Variants in SBK1 observed in about 807,000 individuals in gnomAD.
SBK1 encodes serine/threonine-protein kinase SBK1.
SBK1 carries 11 observed loss-of-function variants against 24.4 expected under a neutral mutation model. The observed-to-expected ratio is 0.45, with a 90% CI of 0.28 to 0.75. The LOEUF (loss-of-function observed/expected upper bound fraction) is 0.75, where lower values mean the gene tolerates loss of function less well. SBK1 is among the 30% of genes least tolerant of loss of function. The pLI is 0.12. For missense variants in SBK1, 467 were observed against 620.5 expected, an observed-to-expected ratio of 0.75 and a Z score of 2.63; for synonymous variants, 308 against 284.4, an observed-to-expected ratio of 1.08 and a Z score of -0.83.
chr16:28,289,607 A>C (rs1044500698), upstream of SBK1, among the ~76,000 whole-genome samples: 1 of 151,840 alleles, frequency 6.6e-6, no homozygotes, highest in African/African-American at 2.4e-5. Context: ...TCTCTACTAA[A>C]AATACAAAAA....
chr16:28,319,253 A>G lies in SBK1; in HGVS notation c.429+56A>G. On this transcript the variant is annotated intron_variant, in intron 3 of 3. Coordinates refer to ENST00000341901, the MANE Select transcript of SBK1 (RefSeq NM_001024401.3). This position sits in a 1 kb window ranked among gnomAD's most constrained non-coding sequence, Gnocchi z 4.0. ...AGGGTCTTCAGGGTCCCAGAGTGTGAGAGTGGGAGTGGAGTCAGACCATTT... is the reference window on the plus strand; with the variant it reads ...AGGGTCTTCAGGGTCCCAGAGTGTGGGAGTGGGAGTGGAGTCAGACCATTT... 7.3e-7 allele frequency: 1 copy of G among 1,366,038 alleles called. No homozygotes were observed. Among genetic ancestry groups the G allele is most frequent in the Non-Finnish European group, 1.0e-6 (1 of 956,326 alleles). 84.6% of individuals were successfully genotyped at this position (1,366,038 alleles called of 1,614,324 possible).
At chr16:28,285,987 T>C (rs2044563425) in intron 1 of SBK1, 1 of 152,322 alleles carries the variant, frequency 6.6e-6, no homozygotes, top group Non-Finnish European at 1.5e-5. Context: ...CTGCTGGCCA[T>C]GGTCACAGAG....
upstream of SBK1, chr16:28,290,618 G>C (rs1280530847): frequency 1.3e-5 from 2 of 151,628 alleles, no homozygotes; most frequent in African/African-American, 2.4e-5. Flanking sequence ...CTGGGCAGCA[G>C]AGCAAGACTC....
rs2044633646 is a variant in SBK1 at position 28,295,657 on chromosome 16, G to A, written c.-8+2357G>A. ...AAAATACAGCCTATAGACGATTTTT[G>A]TTGGTCCAATGTATTTTACATGTTT... On this transcript the variant is annotated intron_variant, in intron 1 of 3. Transcript: ENST00000341901. 2.6e-5 allele frequency among the ~76,000 whole-genome samples: 4 copies of A among 152,136 alleles called. No homozygotes were observed. The South Asian group carries it at 8.3e-4, about 31-fold the overall frequency.
chr16:28,284,463 T>C (rs982636773), intron 1 of SBK1, among the ~76,000 whole-genome samples: 1 of 152,200 alleles, frequency 6.6e-6, no homozygotes, highest in Non-Finnish European at 1.5e-5. Context: ...AGATCCTTGT[T>C]GCATAGCTTC....
intron 1 of SBK1, among the ~76,000 whole-genome samples, chr16:28,316,658 T>C (rs1301452124): frequency 6.6e-6 from 1 of 151,996 alleles, no homozygotes; most frequent in African/African-American, 2.4e-5. Flanking sequence ...TGGCACACGT[T>C]TACCTATGTA....
chr16:28,313,918 C>T (rs922782745), intron 1 of SBK1, among the ~76,000 whole-genome samples: 10 of 152,064 alleles, frequency 6.6e-5, no homozygotes, highest in Non-Finnish European at 1.3e-4. Context: ...ATGCGGGGCT[C>T]ATGGAGTGCT....
At chr16:28,279,207 CAAA>C (rs34028427) in intron 1 of SBK1, among the ~76,000 whole-genome samples, 5 of 115,208 alleles carry the variant, frequency 4.3e-5, no homozygotes, top group East Asian at 2.8e-4. Context: ...GAGACTCTGT[CAAA>C]AAAAAAAAAA....
chr16:28,302,929 T>C (rs1567677207), intron 1 of SBK1, among the ~76,000 whole-genome samples: 1 of 143,246 alleles, frequency 7.0e-6, no homozygotes, highest in Non-Finnish European at 1.5e-5. Flanking sequence ...GAGAAAGTGA[T>C]ACATCCTACC....
At chr16:28,316,118 G>T (rs2044793675) in intron 1 of SBK1, among the ~76,000 whole-genome samples, 1 of 152,058 alleles carries the variant, frequency 6.6e-6, no homozygotes, top group Non-Finnish European at 1.5e-5. Flanking sequence ...TCATTAGTCG[G>T]GTGGTGAGGT....
At chr16:28,287,810 C>T (rs1403545635), upstream of SBK1, among the ~76,000 whole-genome samples, 6 of 152,080 alleles carry the variant, frequency 3.9e-5, no homozygotes, top group Admixed American at 2.0e-4. Flanking sequence ...ACTACAGGTG[C>T]GTGCCACCAT....
chr16:28,303,507 C>CTTTTTTTTT (rs143613970), intron 1 of SBK1, among the ~76,000 whole-genome samples: 255 of 58,084 alleles, frequency 4.4e-3, no homozygotes, highest in South Asian at 5.5e-3. Context: ...CTTTTCTTTT[C>CTTTTTTTTT]TTTTTTTTTT....
chr16:28,307,119 A>G (rs2650494), intron 1 of SBK1, among the ~76,000 whole-genome samples: 49,830 of 152,032 alleles, frequency 0.33, 9,566 homozygotes, highest in South Asian at 0.57. Flanking sequence ...GCCGCTGTGA[A>G]CAGAGAGGCT....
chr16:28,295,888 G>T (rs2044635516), intron 1 of SBK1, among the ~76,000 whole-genome samples: 1 of 149,996 alleles, frequency 6.7e-6, no homozygotes, highest in South Asian at 2.1e-4. Flanking sequence ...GGCCCCCGAT[G>T]CTGGCATCTG....
intron 1 of SBK1, among the ~76,000 whole-genome samples, chr16:28,274,462 C>A (rs1185108979): frequency 1.3e-5 from 2 of 152,034 alleles, no homozygotes; most frequent in Non-Finnish European, 2.9e-5. Flanking sequence ...CCAGCCTGGC[C>A]AACATGGTGA....
chr16:28,280,236 T>C (rs1192607734), intron 1 of SBK1, among the ~76,000 whole-genome samples: 1 of 140,456 alleles, frequency 7.1e-6, no homozygotes, highest in Non-Finnish European at 1.5e-5. Context: ...CATATATACA[T>C]ATATACGTAT....
In SBK1 at chr16:28,272,629, T is replaced by TC. The variant is rs951201158; in HGVS notation, c.257+13127_257+13128insC. ...TTTCTTTCTTTCTTTCTTTTTTTTT[T>TC]TTTTTTTTTTGAGACGGAGTCTCAC... On this transcript the variant is annotated intron_variant, in intron 1 of 3. Coordinates refer to the SBK1 transcript ENST00000671413. Among the ~76,000 whole-genome samples, 3 of 141,388 alleles carry TC rather than the reference T, an allele frequency of 2.1e-5. No individual in the cohort carries two copies. The East Asian group carries it at 5.9e-4, about 28-fold the overall frequency. The allele number at this position is 141,388 out of a possible 152,430, so 92.8% of individuals were successfully genotyped here.
At chr16:28,258,841 A>G (rs995218557), upstream of SBK1, 4 of 152,636 alleles carry the variant, frequency 2.6e-5, no homozygotes, top group Non-Finnish European at 2.9e-5. Flanking sequence ...GCAGGTCCCA[A>G]CCCTCTCTCC....
At position 28,321,216 on chromosome 16, in the gene SBK1, CACACACACACACACACA is replaced by C; in HGVS notation, c.*296_*312del. The C allele has an allele frequency of 1.6e-5, 3 of 190,590 alleles. No homozygotes were observed. 11.8% of individuals were successfully genotyped at this position (190,590 alleles called of 1,614,324 possible). A position where few individuals can be genotyped will look rare whatever the true frequency, so the allele number is the denominator to read the frequency against. On this transcript the variant is annotated 3_prime_UTR_variant, in exon 4 of 4. Coordinates refer to ENST00000341901, the MANE Select transcript of SBK1 (RefSeq NM_001024401.3). The stretch of plus-strand genomic sequence containing the variant: ...ACACACACACACACACACACACACA[CACACACACACACACACA>C]CACACGCCAGGAGCAAGGGAGCTTT...
Sources: gnomAD v4.1 joint callset for allele counts (sites outside exome capture counted in the v4.1 genomes callset) on GRCh38, gnomAD v4.1.1 for gene constraint, Gnocchi (gnomAD v3.1) non-coding constraint, MANE v1.5 for transcripts, NCBI Gene and HGNC (gene_info 2026-07-23, HGNC 2026-07-21) for gene names.